ZNF676: variants seen among roughly 807,000 people sequenced by gnomAD.
ZNF676 encodes zinc finger protein 676.
ZNF676 carries 4 observed loss-of-function variants against 6.0 expected under a neutral mutation model. The observed-to-expected ratio is 0.67, with a 90% CI of 0.33 to 1.53. ZNF676 has a LOEUF of 1.53. Among genes scored for constraint, ZNF676 ranks in the 40% most tolerant of loss-of-function variants. ZNF676 has a pLI of 0.06. For missense variants in ZNF676, 644 were observed against 679.7 expected (o/e 0.95, Z 0.58); for synonymous variants, 198 against 223.1 (o/e 0.89, Z 1.00).
chr19:22,234,574 C>G, the ZNF676 span, among the ~76,000 whole-genome samples: 1 of 152,266 alleles, frequency 6.6e-6, no homozygotes. Context: ...AGCCCAGTAA[C>G]AGGCCAAGAG....
chr19:22,235,004 GA>G, the ZNF676 span, among the ~76,000 whole-genome samples: 7 of 113,158 alleles, frequency 6.2e-5, 1 homozygote, highest in Admixed American at 4.8e-4. Flanking sequence ...AAGAAAGAAA[GA>G]AAGAAAGAAA....
At chr19:22,198,674 C>G (rs7253425), upstream of ZNF676, among the ~76,000 whole-genome samples, 49,421 of 151,958 alleles carry the variant, frequency 0.33, 8,403 homozygotes, top group South Asian at 0.42. Context: ...GCAGAAGAAC[C>G]AAGACAGAAA....
chr19:22,186,584 T>C lies in ZNF676; in HGVS notation c.131-4998A>G, dbSNP rs529589047. On this transcript the variant is annotated intron_variant, in intron 2 of 2. Transcript: ENST00000397121. ...AATGCCCCAATTAAAAGACACAGAC[T>C]GGCAAATTGAATAAAGATTCAAGAT... Among the ~76,000 whole-genome samples the C allele has an allele frequency of 1.4e-4, 21 of 152,294 alleles. No homozygotes were observed. The South Asian group carries it at 1.7e-3, about 12-fold the overall frequency.
the ZNF676 span, chr19:22,245,300 A>T: frequency 6.6e-6 from 1 of 152,134 alleles, no homozygotes; most frequent in Non-Finnish European, 1.5e-5. Flanking sequence ...GTACAAAAAC[A>T]AGGCAGAAGA....
the ZNF676 span, among the ~76,000 whole-genome samples, chr19:22,257,374 T>C: frequency 6.6e-6 from 1 of 152,008 alleles, no homozygotes; most frequent in South Asian, 2.1e-4. Flanking sequence ...CTCCTAGGTG[T>C]TGGACCCAGC....
the ZNF676 span, among the ~76,000 whole-genome samples, chr19:22,241,060 C>T: frequency 1.3e-5 from 2 of 151,942 alleles, no homozygotes. Context: ...CAGTGCATCA[C>T]AATGTCCTCT....
At chr19:22,233,674 C>T in the ZNF676 span, among the ~76,000 whole-genome samples, 1 of 152,238 alleles carries the variant, frequency 6.6e-6, no homozygotes, top group African/African-American at 2.4e-5. Context: ...CCTCTGGTCT[C>T]AGCAGACCCA....
chr19:22,207,244 A>G (rs972932115), intron 1 of ZNF676, among the ~76,000 whole-genome samples: 1 of 152,244 alleles, frequency 6.6e-6, no homozygotes, highest in African/African-American at 2.4e-5. Flanking sequence ...ACTTCAGTAA[A>G]GTCTCAGGAT....
chr19:22,215,806 C>CG (rs1491421870), upstream of ZNF676: 15 of 590,990 alleles, frequency 2.5e-5, 1 homozygote, highest in Admixed American at 1.3e-4. Context: ...GTCCCCCCCC[C>CG]CAGCTGCCTG....
the ZNF676 span, among the ~76,000 whole-genome samples, chr19:22,251,227 A>G: frequency 2.0e-5 from 3 of 152,262 alleles, no homozygotes; most frequent in Non-Finnish European, 4.4e-5. Context: ...GCTGCACTTT[A>G]TACAAATAAT....
the ZNF676 span, among the ~76,000 whole-genome samples, chr19:22,239,234 CTG>C: frequency 2.6e-3 from 369 of 143,558 alleles, 1 homozygote; most frequent in African/African-American, 8.8e-3. Context: ...TGGAGTCTCG[CTG>C]TGTCACCCAG....
chr19:22,250,511 C>T, the ZNF676 span, among the ~76,000 whole-genome samples: 194 of 152,180 alleles, frequency 1.3e-3, no homozygotes, highest in Admixed American at 4.6e-3. Context: ...CTCCACCTCC[C>T]GGGTTCAGGT....
At position 22,214,537 on chromosome 19, in the gene ZNF676, T is replaced by A. The variant is rs573278905; in HGVS notation, c.3+1095A>T. ...TCGCTTGAACCTGGGAGGCGGAGAG[T>A]CCAGTTAGCCTAGATGGCGCCATTG... On this transcript the variant is annotated intron_variant, in intron 1 of 3. Transcript: ENST00000650058. 6.6e-5 allele frequency among the ~76,000 whole-genome samples: 9 copies of A among 136,506 alleles called. No individual in the cohort carries two copies. The South Asian group carries it at 1.4e-3, about 21-fold the overall frequency. The allele number at this position is 136,506 out of a possible 152,430, so 89.6% of individuals were successfully genotyped here.
chr19:22,196,527 C>G, intron 1 of ZNF676, 73 bp downstream of exon 1: 2 of 1,610,658 alleles, frequency 1.2e-6, no homozygotes, highest in Non-Finnish European at 1.7e-6. Flanking sequence ...CTCCTTTGTT[C>G]AGTCCAATAA....
chr19:22,244,808 T>C, the ZNF676 span: 1 of 152,246 alleles, frequency 6.6e-6, no homozygotes, highest in Admixed American at 6.5e-5. Context: ...GCTTATTAAG[T>C]AGCCTCTGAT....
intron 1 of ZNF676, among the ~76,000 whole-genome samples, chr19:22,204,274 T>C (rs1229062153): frequency 6.6e-6 from 1 of 152,232 alleles, no homozygotes; most frequent in Non-Finnish European, 1.5e-5. Flanking sequence ...CAGATATGAA[T>C]ATATAAGTAT....
At chr19:22,230,623 T>G in the ZNF676 span, among the ~76,000 whole-genome samples, 3 of 150,826 alleles carry the variant, frequency 2.0e-5, no homozygotes, top group Non-Finnish European at 4.4e-5. Context: ...TGTATGTATA[T>G]TATATATATG....
intron 1 of ZNF676, among the ~76,000 whole-genome samples, chr19:22,204,744 G>A (rs902488581): frequency 1.3e-5 from 2 of 152,028 alleles, no homozygotes; most frequent in East Asian, 1.9e-4. Flanking sequence ...CAACAAATCT[G>A]TGTCTACTTT....
At chr19:22,225,673 G>A in the ZNF676 span, among the ~76,000 whole-genome samples, 1 of 152,132 alleles carries the variant, frequency 6.6e-6, no homozygotes. Context: ...GTATTTCACT[G>A]TGATATTTAT....
Sources: gnomAD v4.1 joint callset for allele counts (sites outside exome capture counted in the v4.1 genomes callset) on GRCh38, gnomAD v4.1.1 for gene constraint, MANE v1.5 for transcripts, NCBI Gene and HGNC (gene_info 2026-07-23, HGNC 2026-07-21) for gene names.